Variants in PRKACB observed in about 807,000 individuals in gnomAD.
The protein encoded by PRKACB is protein kinase cAMP-activated catalytic subunit beta.
Under a neutral mutation model 51.4 loss-of-function variants are expected in PRKACB, and 16 were observed. The ratio of observed to expected loss-of-function variants is 0.31; its 90% CI spans 0.21 to 0.47. PRKACB has a LOEUF of 0.47. Ranked by LOEUF, PRKACB falls within the 20% of genes least tolerant of loss-of-function variation. PRKACB has a pLI of 1.00. For synonymous variants in PRKACB, 147 were observed against 154.4 expected, an observed-to-expected ratio of 0.95 and a Z score of 0.35; for missense variants, 309 against 464.5, an observed-to-expected ratio of 0.67 and a Z score of 3.08.
chr1:84,119,027 ACAG>A (rs1490355376), intron 1 of PRKACB, among the ~76,000 whole-genome samples: 8 of 152,176 alleles, frequency 5.3e-5, no homozygotes, highest in African/African-American at 1.9e-4. Flanking sequence ...AAGTGGTGAA[ACAG>A]CATTTAGGCA....
intron 2 of PRKACB, among the ~76,000 whole-genome samples, chr1:84,179,810 G>A (rs1250361921): frequency 6.6e-6 from 1 of 151,724 alleles, no homozygotes; most frequent in Non-Finnish European, 1.5e-5. Flanking sequence ...ATTAAATTTT[G>A]TTATACTTCA....
chr1:84,219,294 G>A (rs1276911144), intron 9 of PRKACB, among the ~76,000 whole-genome samples: 3 of 149,600 alleles, frequency 2.0e-5, no homozygotes, highest in East Asian at 2.0e-4. Context: ...GTACAATCTC[G>A]GCTCGCTGCA....
At chr1:84,201,128 G>T (rs1669987970) in intron 7 of PRKACB, among the ~76,000 whole-genome samples, 1 of 151,964 alleles carries the variant, frequency 6.6e-6, no homozygotes, top group Non-Finnish European at 1.5e-5. Context: ...GATACATATT[G>T]CCAAATTGCT....
At position 84,203,183 on chromosome 1, in the gene PRKACB, C is replaced by T. The variant is rs549356299; in HGVS notation, c.906+378C>T. On this transcript the variant is annotated intron_variant, in intron 8 of 9. Transcript: ENST00000370685. ...GCCCTTCCATTTTCAGGAGAGACTT[C>T]TTGTTTTAATTATGTCCAATACTAT... is the stretch of plus-strand genomic sequence containing the variant. Among the ~76,000 whole-genome samples, 7 of 151,938 alleles carry T rather than the reference C, an allele frequency of 4.6e-5. No homozygotes were observed. In the South Asian group the frequency reaches 1.5e-3, roughly 32 times the overall value.
intron 1 of PRKACB, among the ~76,000 whole-genome samples, chr1:84,176,139 G>T (rs1346332497): frequency 6.6e-6 from 1 of 151,756 alleles, no homozygotes; most frequent in African/African-American, 2.4e-5. Context: ...AATAATTTAA[G>T]TGGTTAAATG....
chr1:84,130,309 G>T (rs1444628529), intron 1 of PRKACB, among the ~76,000 whole-genome samples: 1 of 151,452 alleles, frequency 6.6e-6, no homozygotes, highest in Non-Finnish European at 1.5e-5. Context: ...TTTGTTTTCT[G>T]GTCCTGCTTT....
At chr1:84,211,601 A>G (rs1168454103) in intron 8 of PRKACB, among the ~76,000 whole-genome samples, 1 of 152,180 alleles carries the variant, frequency 6.6e-6, no homozygotes, top group Non-Finnish European at 1.5e-5. Context: ...GATAATGACT[A>G]TTTTTAGGTT....
intron 1 of PRKACB, among the ~76,000 whole-genome samples, chr1:84,152,297 G>T (rs755763073): frequency 4.6e-5 from 7 of 152,124 alleles, no homozygotes; most frequent in Non-Finnish European, 8.8e-5. Context: ...AGTAGATTTA[G>T]CATAGTTTTT....
intron 5 of PRKACB, among the ~76,000 whole-genome samples, chr1:84,186,081 T>C (rs1248027476): frequency 6.6e-6 from 1 of 152,136 alleles, no homozygotes; most frequent in Non-Finnish European, 1.5e-5. Context: ...CAAGCTCTGA[T>C]TGGTGAGTGA....
At position 84,084,164 on chromosome 1, in the gene PRKACB, T is replaced by C. The variant is rs151307000; in HGVS notation, c.46+5793T>C. Among the ~76,000 whole-genome samples the C allele has an allele frequency of 3.2e-3, 486 of 152,212 alleles. 6 individuals carry two copies. The highest frequency in any genetic ancestry group is 0.011 in the African/African-American group (448 of 41,496). On this transcript the variant is annotated intron_variant, in intron 1 of 8. Transcript: ENST00000370688. ...TGAACCATGACTTGAGCATTGAAAA[T>C]GATAAATGTTCATCAGATGGATTAT...
rs537834822 is a variant in PRKACB, at chr1:84,222,589, C to T, written c.1071+8272C>T. ...TTTCTCTTTCTCATTTATGTGTCTG[C>T]CCTACCAGTGACTTTTATACTTTCT... On this transcript the variant is annotated intron_variant, in intron 9 of 9. Coordinates refer to ENST00000370685, the MANE Select transcript of PRKACB (RefSeq NM_182948.4). 2.6e-4 allele frequency among the ~76,000 whole-genome samples: 40 copies of T among 152,150 alleles called. No homozygotes were observed. In the South Asian group the frequency reaches 7.5e-3, roughly 28 times the overall value.
intron 8 of PRKACB, among the ~76,000 whole-genome samples, chr1:84,211,632 T>G (rs1184654356): frequency 6.6e-6 from 1 of 152,146 alleles, no homozygotes; most frequent in Non-Finnish European, 1.5e-5. Context: ...GGAAGGAGAA[T>G]AGATAATTAA....
At chr1:84,205,964 T>C (rs1007296574) in intron 8 of PRKACB, among the ~76,000 whole-genome samples, 1 of 152,198 alleles carries the variant, frequency 6.6e-6, no homozygotes, top group African/African-American at 2.4e-5. Context: ...ATGTAGTCTT[T>C]AAATTTCATG....
At chr1:84,122,663 A>G (rs1651180480) in intron 1 of PRKACB, among the ~76,000 whole-genome samples, 1 of 152,148 alleles carries the variant, frequency 6.6e-6, no homozygotes, top group Admixed American at 6.6e-5. Context: ...GTTTACTAGT[A>G]TTTTTCCATT....
intron 1 of PRKACB, among the ~76,000 whole-genome samples, chr1:84,167,014 C>A (rs1394290188): frequency 6.6e-6 from 1 of 151,464 alleles, no homozygotes; most frequent in East Asian, 1.9e-4. Context: ...AAAACAGAAA[C>A]CTTGGTCATT....
chr1:84,140,563 A>G (rs1228304192), upstream of PRKACB, among the ~76,000 whole-genome samples: 2 of 152,196 alleles, frequency 1.3e-5, no homozygotes, highest in East Asian at 1.9e-4. Flanking sequence ...TCTTTTATTT[A>G]ACCTTTAAAC....
chr1:84,219,685 C>T (rs750697134), intron 9 of PRKACB, among the ~76,000 whole-genome samples: 2 of 150,690 alleles, frequency 1.3e-5, no homozygotes, highest in African/African-American at 2.4e-5. Flanking sequence ...CCAGTTTTTC[C>T]GCACCATGTA....
At chr1:84,079,949 A>C (rs542520676) in intron 1 of PRKACB, among the ~76,000 whole-genome samples, 1 of 152,166 alleles carries the variant, frequency 6.6e-6, no homozygotes, top group South Asian at 2.1e-4. Context: ...TACAGGCGTG[A>C]GCTACCGTGC....
intron 1 of PRKACB, among the ~76,000 whole-genome samples, chr1:84,118,413 AAATAGAT>A: frequency 6.6e-6 from 1 of 152,298 alleles, no homozygotes; most frequent in African/African-American, 2.4e-5. Context: ...GTAATTTTCT[AAATAGAT>A]AATAGATAAT....
Sources: gnomAD v4.1 joint callset for allele counts (sites outside exome capture counted in the v4.1 genomes callset) on GRCh38, gnomAD v4.1.1 for gene constraint, MANE v1.5 for transcripts, NCBI Gene and HGNC (gene_info 2026-07-23, HGNC 2026-07-21) for gene names.